The following FAT3 variants were observed in gnomAD, a reference collection of about 807,000 sequenced individuals.
FAT3 encodes the protein FAT atypical cadherin 3.
A neutral mutation model predicts 310.2 loss-of-function variants in FAT3; 95 were observed. The ratio of observed to expected loss-of-function variants is 0.31; its 90% CI spans 0.26 to 0.36. FAT3 has a LOEUF of 0.36. Among genes scored for constraint, FAT3 ranks in the 10% least tolerant of loss-of-function variants. FAT3 has a pLI of 1.00. For synonymous variants in FAT3, 2,314 were observed against 2,192.9 expected (o/e 1.06, Z -1.54); for missense variants, 5,408 against 5,715.6 (o/e 0.95, Z 1.74).
chr11:92,422,031 T>G (rs572213833), intron 2 of FAT3, among the ~76,000 whole-genome samples: 1 of 152,316 alleles, frequency 6.6e-6, no homozygotes. Flanking sequence ...CTGGTGCCCC[T>G]TTGTCTGTAA....
chr11:92,738,686 T>G (rs772074614), intron 4 of FAT3, among the ~76,000 whole-genome samples: 3 of 152,208 alleles, frequency 2.0e-5, no homozygotes, highest in Non-Finnish European at 4.4e-5. Context: ...CAAATATGTT[T>G]AGTTAATTTT....
chr11:92,498,411 A>G (rs1428108621), intron 2 of FAT3: 3 of 203,106 alleles, frequency 1.5e-5, no homozygotes, highest in South Asian at 1.0e-4. Context: ...ATTTGTCTGT[A>G]CCTCTCAGGT....
At chr11:92,840,854 AAC>A in intron 18 of FAT3, 95 bp downstream of exon 18, 1 of 1,199,558 alleles carries the variant, frequency 8.3e-7, no homozygotes, top group South Asian at 2.0e-5. Context: ...TGAGTAAGTC[AAC>A]ATAATTCATT....
intron 3 of FAT3, among the ~76,000 whole-genome samples, chr11:92,564,036 A>G (rs1955339007): frequency 6.6e-6 from 1 of 152,100 alleles, no homozygotes. Flanking sequence ...ACACATAACA[A>G]TATTAAATTT....
At chr11:92,825,307 A>G (rs1007646938) in intron 13 of FAT3, among the ~76,000 whole-genome samples, 1 of 152,162 alleles carries the variant, frequency 6.6e-6, no homozygotes, top group Non-Finnish European at 1.5e-5. Context: ...GGGTTCAAAG[A>G]TAATAAGACA....
At chr11:92,695,622 A>C (rs964316658) in intron 3 of FAT3, among the ~76,000 whole-genome samples, 2 of 152,144 alleles carry the variant, frequency 1.3e-5, no homozygotes, top group African/African-American at 4.8e-5. Context: ...AATACAGCAG[A>C]TCTCTTCCAG....
intron 1 of FAT3, among the ~76,000 whole-genome samples, chr11:92,284,157 A>T (rs1946504126): frequency 6.6e-6 from 1 of 152,054 alleles, no homozygotes; most frequent in Non-Finnish European, 1.5e-5. Flanking sequence ...ATTCAGATGA[A>T]GGTGGTATAG....
chr11:92,625,774 G>A (rs1373341610), intron 3 of FAT3, among the ~76,000 whole-genome samples: 2 of 151,164 alleles, frequency 1.3e-5, no homozygotes, highest in Non-Finnish European at 2.9e-5. Flanking sequence ...GTCAATATTG[G>A]CCAAGTGCTA....
At chr11:92,668,380 G>T (rs981072925) in intron 3 of FAT3, among the ~76,000 whole-genome samples, 3 of 152,202 alleles carry the variant, frequency 2.0e-5, no homozygotes, top group South Asian at 2.1e-4. Context: ...ACCCATAGGA[G>T]ATTCAGGATA....
At chr11:92,439,670 C>G (rs554554486) in intron 2 of FAT3, among the ~76,000 whole-genome samples, 1 of 152,116 alleles carries the variant, frequency 6.6e-6, no homozygotes, top group Non-Finnish European at 1.5e-5. Context: ...GATCTCAGCT[C>G]TTTGGGAGGT....
intron 4 of FAT3, among the ~76,000 whole-genome samples, chr11:92,747,626 C>T (rs1290964155): frequency 2.0e-5 from 3 of 152,106 alleles, no homozygotes; most frequent in African/African-American, 4.8e-5. Context: ...TCTTTTCTAT[C>T]GCATTGTTAG....
chr11:92,481,235 A>T (rs1195639486), intron 2 of FAT3, among the ~76,000 whole-genome samples: 1 of 152,206 alleles, frequency 6.6e-6, no homozygotes, highest in Non-Finnish European at 1.5e-5. Context: ...AAATAGAAAT[A>T]TCTGGGCAAT....
chr11:92,892,802 G>A lies in FAT3; in HGVS notation c.*1689G>A, dbSNP rs1027604766. 9.2e-5 allele frequency: 14 copies of A among 152,176 alleles called. No individual in the cohort carries two copies. The highest frequency in any genetic ancestry group is 3.4e-4 in the African/African-American group (14 of 41,436). The allele number at this position is 152,176 out of a possible 1,614,324, so 9.4% of individuals were successfully genotyped here. A position where few individuals can be genotyped will look rare whatever the true frequency, so the allele number is the denominator to read the frequency against. ...TGTGTAATGTTTGATTACACCCTGG[G>A]ATTCCCTTCTCATCTGTGGGCTTTG... On this transcript the variant is annotated 3_prime_UTR_variant, in exon 28 of 28. Transcript: ENST00000525166.
intron 2 of FAT3, among the ~76,000 whole-genome samples, chr11:92,477,144 T>G (rs1952070979): frequency 6.6e-6 from 1 of 152,240 alleles, no homozygotes; most frequent in African/African-American, 2.4e-5. Context: ...TTTATTATTT[T>G]TAATTGAGAC....
At chr11:92,239,827 A>T (rs1008679283) in intron 1 of FAT3, among the ~76,000 whole-genome samples, 5 of 152,232 alleles carry the variant, frequency 3.3e-5, no homozygotes, top group African/African-American at 4.8e-5. Context: ...AGAGTCTTTG[A>T]ATCACAATTA....
chr11:92,229,791 T>TC (rs1864092674), intron 1 of FAT3, among the ~76,000 whole-genome samples: 1 of 150,414 alleles, frequency 6.6e-6, no homozygotes, highest in Admixed American at 6.7e-5. Flanking sequence ...CTTAGATTTT[T>TC]TTTCTTTTTT....
intron 3 of FAT3, among the ~76,000 whole-genome samples, chr11:92,635,235 T>A (rs1274720237): frequency 1.0e-4 from 15 of 148,194 alleles, no homozygotes; most frequent in Non-Finnish European, 1.5e-4. Flanking sequence ...TAGATTCAGA[T>A]TTTTTTTTTC....
chr11:92,622,634 A>G (rs978380193), intron 3 of FAT3, among the ~76,000 whole-genome samples: 3 of 152,184 alleles, frequency 2.0e-5, no homozygotes, highest in Non-Finnish European at 4.4e-5. Context: ...CTGAAGCGTC[A>G]CACATCAGAA....
At chr11:92,514,593 A>G (rs185367877) in intron 2 of FAT3, among the ~76,000 whole-genome samples, 11 of 152,284 alleles carry the variant, frequency 7.2e-5, no homozygotes, top group Non-Finnish European at 1.2e-4. Flanking sequence ...TATTTTTTAA[A>G]TGAGGTGTTC....
Sources: gnomAD v4.1 joint callset for allele counts (sites outside exome capture counted in the v4.1 genomes callset) on GRCh38, gnomAD v4.1.1 for gene constraint, MANE v1.5 for transcripts, NCBI Gene and HGNC (gene_info 2026-07-23, HGNC 2026-07-21) for gene names.